The following TMEM67 variants were observed in gnomAD, a reference collection of about 807,000 sequenced individuals.
The protein encoded by TMEM67 is meckelin.
In TMEM67, 124 loss-of-function variants were observed where a neutral mutation model predicts 136.6. The ratio of observed to expected loss-of-function variants is 0.91; its 90% CI spans 0.78 to 1.05. The LOEUF (loss-of-function observed/expected upper bound fraction) is 1.05. Among genes scored for constraint, TMEM67 ranks in the 50% least tolerant of loss-of-function variants. The pLI is 0.00. For missense variants in TMEM67, 1,107 were observed against 1,178.4 expected, an observed-to-expected ratio of 0.94 and a Z score of 0.89; for synonymous variants, 364 against 390.5, an observed-to-expected ratio of 0.93 and a Z score of 0.80.
intron 6 of TMEM67, 123 bp downstream of exon 6, chr8:93,765,769 A>G (rs974056069): frequency 2.2e-5 from 16 of 735,864 alleles, no homozygotes; most frequent in African/African-American, 1.1e-4. Flanking sequence ...AAAAAAATCA[A>G]TCTAAGAAAC....
Position 93,816,708 on chromosome 8 carries a change from A to G in TMEM67, c.*256A>G, listed in dbSNP as rs908358361. ...CTGACAGTGAGGCCAAAAAAAATCTAAATGTTGCTTTCAGCATAATACTTT... is the reference window on the plus strand; with the variant it reads ...CTGACAGTGAGGCCAAAAAAAATCTGAATGTTGCTTTCAGCATAATACTTT... On this transcript the variant is annotated 3_prime_UTR_variant, in exon 28 of 28. Coordinates refer to ENST00000453321, the MANE Select transcript of TMEM67 (RefSeq NM_153704.6). 7.6e-6 allele frequency: 2 copies of G among 264,596 alleles called. No homozygotes were observed. The highest frequency in any genetic ancestry group is 1.4e-5 in the Non-Finnish European group (2 of 139,160). The allele number at this position is 264,596 out of a possible 1,614,324, so 16.4% of individuals were successfully genotyped here. A position where few individuals can be genotyped will look rare whatever the true frequency, so the allele number is the denominator to read the frequency against.
At chr8:93,805,736 A>C (rs1191447450) in intron 23 of TMEM67, among the ~76,000 whole-genome samples, 1 of 152,238 alleles carries the variant, frequency 6.6e-6, no homozygotes, top group Non-Finnish European at 1.5e-5. Context: ...CTTATAGAAG[A>C]AAGTAGAAGG....
chr8:93,759,796 G>A (rs1210733253), intron 3 of TMEM67: 1 of 401,856 alleles, frequency 2.5e-6, no homozygotes, highest in Non-Finnish European at 4.6e-6. Flanking sequence ...TTATAGGCAT[G>A]TGCCACCACA....
rs764581951 is a variant in TMEM67 at position 93,782,390 on chromosome 8, T to C, written c.1066-5T>C. On this transcript the variant is annotated splice_polypyrimidine_tract_variant and splice_region_variant and intron_variant, in intron 10 of 27. Coordinates refer to ENST00000453321, the MANE Select transcript of TMEM67 (RefSeq NM_153704.6). The stretch of plus-strand genomic sequence containing the variant: ...AGATTTATCTGTTGTATTATTTTGC[T>C]GCAGCTTTGTCCAGACACAGAGACA... 1 of 1,609,656 alleles carries C rather than the reference T, an allele frequency of 6.2e-7. No individual in the cohort carries two copies. The highest frequency in any genetic ancestry group is 1.1e-5 in the South Asian group (1 of 90,886).
intron 16 of TMEM67, chr8:93,794,999 T>C (rs1814543739): frequency 4.7e-6 from 1 of 212,236 alleles, no homozygotes; most frequent in Non-Finnish European, 9.5e-6. Context: ...TGAAAGACCT[T>C]GTGGATCAGG....
At chr8:93,803,517 T>C in intron 21 of TMEM67, 87 bp from the exon 22 acceptor site, 1 of 876,470 alleles carries the variant, frequency 1.1e-6, no homozygotes, top group Non-Finnish European at 1.9e-6. Context: ...GGTTGGAACT[T>C]TTTTTTCTTA....
intron 9 of TMEM67, among the ~76,000 whole-genome samples, chr8:93,781,402 A>G (rs1248277747): frequency 1.3e-5 from 2 of 152,190 alleles, no homozygotes; most frequent in African/African-American, 2.4e-5. Flanking sequence ...ACTGCCTCCT[A>G]TTTAACAGGT....
At chr8:93,807,408 C>T (rs560855905) in intron 23 of TMEM67, among the ~76,000 whole-genome samples, 10 of 152,026 alleles carry the variant, frequency 6.6e-5, no homozygotes, top group South Asian at 4.1e-4. Flanking sequence ...TTTACCTTTG[C>T]GGTGAAATCT....
chr8:93,780,446 T>G, intron 7 of TMEM67, 147 bp from the exon 8 acceptor site: 1 of 821,826 alleles, frequency 1.2e-6, no homozygotes, highest in African/African-American at 1.7e-5. Context: ...ACCTGCCTTC[T>G]GCGTTGATTA....
At chr8:93,825,120 A>G in the TMEM67 span, among the ~76,000 whole-genome samples, 1 of 152,262 alleles carries the variant, frequency 6.6e-6, no homozygotes, top group African/African-American at 2.4e-5. Flanking sequence ...GCACGGTGCC[A>G]GGAATAGGTC....
At chr8:93,777,453 G>A (rs4735238) in intron 7 of TMEM67, among the ~76,000 whole-genome samples, 83,356 of 151,928 alleles carry the variant, frequency 0.55, 23,612 homozygotes, top group East Asian at 0.84. Context: ...TAACAGTGTC[G>A]ATTTTAGATC....
chr8:93,765,024 T>G (rs899344644), intron 4 of TMEM67, among the ~76,000 whole-genome samples: 5 of 152,190 alleles, frequency 3.3e-5, no homozygotes, highest in Admixed American at 6.5e-5. Flanking sequence ...TATGCTACCT[T>G]TTTACTTTGT....
chr8:93,832,113 T>A, the TMEM67 span, among the ~76,000 whole-genome samples: 1 of 152,176 alleles, frequency 6.6e-6, no homozygotes, highest in Non-Finnish European at 1.5e-5. Flanking sequence ...CATTCCTCTG[T>A]ATCATCTTCT....
At chr8:93,786,071 C>T in intron 12 of TMEM67, 152 bp from the exon 13 acceptor site, 1 of 707,556 alleles carries the variant, frequency 1.4e-6, no homozygotes, top group Non-Finnish European at 2.4e-6. Context: ...GAGACCCTGT[C>T]TAAAAAAAAC....
chr8:93,789,666 A>AT (rs1814281658), intron 14 of TMEM67, among the ~76,000 whole-genome samples: 1 of 28,650 alleles, frequency 3.5e-5, no homozygotes, highest in Non-Finnish European at 1.4e-4. Flanking sequence ...ATATATATAT[A>AT]TATATTTTTT....
intron 4 of TMEM67, 81 bp from the exon 5 acceptor site, chr8:93,765,325 A>G (rs1191833487): frequency 1.8e-6 from 2 of 1,125,026 alleles, no homozygotes; most frequent in East Asian, 2.6e-5. Context: ...ACTCTAATCC[A>G]TTGTTTAGAA....
At chr8:93,772,949 A>T (rs930549863) in intron 7 of TMEM67, among the ~76,000 whole-genome samples, 4 of 152,168 alleles carry the variant, frequency 2.6e-5, no homozygotes, top group African/African-American at 9.7e-5. Flanking sequence ...TTCTTAAATC[A>T]GGTTAGATAT....
At chr8:93,782,502 T>G in intron 11 of TMEM67, 42 bp downstream of exon 11, 2 of 1,473,124 alleles carry the variant, frequency 1.4e-6, no homozygotes, top group Non-Finnish European at 1.9e-6. Context: ...GCTTTATTTT[T>G]CAAAATATCA....
At chr8:93,811,751 G>C (rs1268075363) in intron 26 of TMEM67, among the ~76,000 whole-genome samples, 1 of 152,032 alleles carries the variant, frequency 6.6e-6, no homozygotes, top group Non-Finnish European at 1.5e-5. Flanking sequence ...AGAGATGCAT[G>C]ATCAAAATGA....
Sources: allele counts gnomAD v4.1 joint callset (sites outside exome capture counted in the v4.1 genomes callset), GRCh38; gene constraint gnomAD v4.1.1; transcripts MANE v1.5; gene names NCBI Gene and HGNC (gene_info 2026-07-23, HGNC 2026-07-21).